PLEK: variants seen among roughly 807,000 people sequenced by gnomAD.
PLEK encodes the protein pleckstrin.
A neutral mutation model predicts 43.9 loss-of-function variants in PLEK; 25 were observed. The observed-to-expected ratio is 0.57, with a 90% confidence interval of 0.41 to 0.79. The LOEUF is 0.79. PLEK is among the 30% of genes least tolerant of loss of function. The pLI is 0.00. For missense variants in PLEK, 396 were observed against 413.3 expected, an observed-to-expected ratio of 0.96 and a Z score of 0.36; for synonymous variants, 152 against 144.4, an observed-to-expected ratio of 1.05 and a Z score of -0.38.
At position 68,386,508 on chromosome 2, in the gene PLEK, G is replaced by A. The variant is rs778188148; in HGVS notation, c.479G>A (p.Cys160Tyr). The A allele has an allele frequency of 6.2e-7, 1 of 1,613,450 alleles. No individual in the cohort carries two copies. Among genetic ancestry groups the A allele is most frequent in the South Asian group, 1.1e-5 (1 of 91,048 alleles). ...CTGTGCTGGTCCCATCTAGGTAACT[G>A]CGTCATTGATTGGCTGGTATCCAAC... The part of the protein sequence containing the change: ...KIFNHCFTGN[C>Y]VIDWLVSNQS... The change falls in exon 5 of 9, where the codon TGC becomes TAC. Residue 160 changes from cysteine (C) to tyrosine (Y), a missense_variant. Coordinates refer to ENST00000234313, the MANE Select transcript of PLEK (RefSeq NM_002664.3).
At chr2:68,368,453 C>T (rs1673325970) in intron 1 of PLEK, among the ~76,000 whole-genome samples, 1 of 152,218 alleles carries the variant, frequency 6.6e-6, no homozygotes, top group Non-Finnish European at 1.5e-5. Flanking sequence ...AAATCCCGGC[C>T]TGCCTAACAG....
chr2:68,382,699 C>T lies in PLEK; in HGVS notation c.472+66C>T, dbSNP rs193223602. 4.9e-4 allele frequency: 431 copies of T among 882,656 alleles called. 3 individuals are homozygous for T. Among genetic ancestry groups the T allele is most frequent in the Non-Finnish European group, 4.3e-4 (228 of 528,088 alleles). 54.7% of individuals were successfully genotyped at this position (882,656 alleles called of 1,614,324 possible). A position where few individuals can be genotyped will look rare whatever the true frequency, so the allele number is the denominator to read the frequency against. On this transcript the variant is annotated intron_variant, in intron 4 of 8. Coordinates refer to ENST00000234313, the MANE Select transcript of PLEK (RefSeq NM_002664.3). Reference sequence around the variant, plus strand: ...GCGATATGGAGTCCTCCTTCGGCCTCGTCTGTGAGGTGGGGGTATGAAGTA... The same window carrying T: ...GCGATATGGAGTCCTCCTTCGGCCTTGTCTGTGAGGTGGGGGTATGAAGTA...
intron 6 of PLEK, among the ~76,000 whole-genome samples, chr2:68,392,238 C>G (rs371740177): frequency 1.3e-4 from 19 of 141,922 alleles, no homozygotes; most frequent in African/African-American, 5.6e-4. Context: ...TTCATCATGT[C>G]TGTTACAGCA....
rs1366914973 is a variant in PLEK at position 68,365,315 on chromosome 2, C to T, written c.-37C>T. 1 of 1,604,584 alleles carries T rather than the reference C, an allele frequency of 6.2e-7. No homozygotes were observed. The highest frequency in any genetic ancestry group is 8.5e-7 in the Non-Finnish European group (1 of 1,171,666). On this transcript the variant is annotated 5_prime_UTR_variant, in exon 1 of 9. Transcript: ENST00000234313. ...GAGGCCCAGCTGCTGAGAGGAGTTG[C>T]CTGAGAGTGACCTTTGCATCTGCCT...
intron 6 of PLEK, among the ~76,000 whole-genome samples, chr2:68,388,726 T>C (rs1164510034): frequency 7.6e-6 from 1 of 130,740 alleles, no homozygotes; most frequent in African/African-American, 3.0e-5. Flanking sequence ...CTTTTATCAA[T>C]ATCATAGGAA....
chr2:68,381,053 C>T (rs1291497875), intron 3 of PLEK, 149 bp downstream of exon 3: 2 of 711,884 alleles, frequency 2.8e-6, no homozygotes, highest in African/African-American at 3.6e-5. Flanking sequence ...AAATGTTTAC[C>T]TGGGTCTGAA....
chr2:68,381,180 T>C (rs1285563702), intron 3 of PLEK, among the ~76,000 whole-genome samples: 1 of 152,202 alleles, frequency 6.6e-6, no homozygotes, highest in African/African-American at 2.4e-5. Context: ...TCATTGCATT[T>C]ATAACATAGC....
chr2:68,382,306 G>T (rs759053481), intron 3 of PLEK, among the ~76,000 whole-genome samples: 15 of 152,186 alleles, frequency 9.9e-5, no homozygotes, highest in Admixed American at 9.8e-4. Context: ...TTTAGGAGAC[G>T]TTAAGTACCT....
rs1382673084 is a variant in PLEK at position 68,396,569 on chromosome 2, C to G, written c.*753C>G. ...GTCCTTTCTGTGCCCTTAAACCGCC[C>G]AGAGGAGCCCTATTCCACTCTGGTT... On this transcript the variant is annotated 3_prime_UTR_variant, in exon 9 of 9. Coordinates refer to ENST00000234313, the MANE Select transcript of PLEK (RefSeq NM_002664.3). The G allele has an allele frequency of 1.3e-5, 2 of 152,098 alleles. No individual in the cohort carries two copies. The highest frequency in any genetic ancestry group is 2.9e-5 in the Non-Finnish European group (2 of 68,058). 9.4% of individuals were successfully genotyped at this position (152,098 alleles called of 1,614,324 possible). A position where few individuals can be genotyped will look rare whatever the true frequency, so the allele number is the denominator to read the frequency against.
chr2:68,384,154 GTTCTCC>G (rs61680302), intron 4 of PLEK, among the ~76,000 whole-genome samples: 38,464 of 149,678 alleles, frequency 0.26, 5,728 homozygotes, highest in East Asian at 0.61. Context: ...TTTTCTTCTT[GTTCTCC>G]TTCTCCTTCT....
At chr2:68,384,853 G>A (rs1159086759) in intron 4 of PLEK, among the ~76,000 whole-genome samples, 2 of 152,156 alleles carry the variant, frequency 1.3e-5, no homozygotes, top group African/African-American at 2.4e-5. Context: ...CTTAAAATGA[G>A]GACTGCAATT....
intron 8 of PLEK, among the ~76,000 whole-genome samples, 158 bp downstream of exon 8, chr2:68,394,334 G>A (rs1673916842): frequency 6.6e-6 from 1 of 152,222 alleles, no homozygotes; most frequent in Non-Finnish European, 1.5e-5. Flanking sequence ...CACTTTGGGA[G>A]GCCGAGGAGG....
rs200008998 is a variant in PLEK at position 68,395,676 on chromosome 2, C to T, written c.917-4C>T. On this transcript the variant is annotated splice_region_variant and splice_polypyrimidine_tract_variant and intron_variant, in intron 8 of 8. Transcript: ENST00000234313. Reference sequence around the variant, plus strand: ...GTGCTGCCATTTGCCTTCTCTTTCCCCAGGCAGGAAGAGTGAGGAAGAGAA... The same window carrying T: ...GTGCTGCCATTTGCCTTCTCTTTCCTCAGGCAGGAAGAGTGAGGAAGAGAA... 6.2e-7 allele frequency: 1 copy of T among 1,613,978 alleles called. No homozygotes were observed. The highest frequency in any genetic ancestry group is 2.2e-5 in the East Asian group (1 of 44,882).
intron 1 of PLEK, among the ~76,000 whole-genome samples, chr2:68,371,193 G>A (rs1048971613): frequency 2.6e-5 from 4 of 152,172 alleles, no homozygotes; most frequent in African/African-American, 7.2e-5. Flanking sequence ...TAACAAGCAT[G>A]CTTGAATACT....
In PLEK at chr2:68,386,433, C is replaced by T. The variant is rs1246938937; in HGVS notation, c.473-69C>T. 7 of 1,267,864 alleles carry T rather than the reference C, an allele frequency of 5.5e-6. No individual in the cohort carries two copies. In the East Asian group the frequency reaches 1.6e-4, roughly 30 times the overall value. The allele number at this position is 1,267,864 out of a possible 1,614,324, so 78.5% of individuals were successfully genotyped here. A position where few individuals can be genotyped will look rare whatever the true frequency, so the allele number is the denominator to read the frequency against. On this transcript the variant is annotated intron_variant, in intron 4 of 8. Transcript: ENST00000234313. ...ACCTGTGGGTGAGCTGGAGTCAGTT[C>T]AGGGGTGATTGTCAGGGGCTTGTTC...
At chr2:68,389,636 C>G (rs1043394063) in intron 6 of PLEK, among the ~76,000 whole-genome samples, 5 of 152,152 alleles carry the variant, frequency 3.3e-5, no homozygotes, top group Non-Finnish European at 5.9e-5. Context: ...ACCTTCATAT[C>G]AGGTTTTAAG....
intron 5 of PLEK, 65 bp downstream of exon 5, chr2:68,386,751 T>A: frequency 7.8e-7 from 1 of 1,286,810 alleles, no homozygotes; most frequent in East Asian, 2.3e-5. Flanking sequence ...TCTAGATTGA[T>A]TTCAGTTCAT....
chr2:68,365,686 AGAG>A (rs1558493972), intron 1 of PLEK: 1 of 335,894 alleles, frequency 3.0e-6, no homozygotes, highest in Admixed American at 4.5e-5. Context: ...ATCCTTTTTA[AGAG>A]GCACACAGAT....
intron 4 of PLEK, among the ~76,000 whole-genome samples, chr2:68,385,704 G>T (rs967272215): frequency 2.6e-5 from 4 of 152,052 alleles, no homozygotes; most frequent in Non-Finnish European, 5.9e-5. Context: ...CATATGCTTG[G>T]CAAACGCCTA....
Sources: gnomAD v4.1 joint callset for allele counts (sites outside exome capture counted in the v4.1 genomes callset) on GRCh38, gnomAD v4.1.1 for gene constraint, MANE v1.5 for transcripts, NCBI Gene and HGNC (gene_info 2026-07-23, HGNC 2026-07-21) for gene names.